MDH1B: variants seen among roughly 807,000 people sequenced by gnomAD.
The protein encoded by MDH1B is malate dehydrogenase 1B.
Under a neutral mutation model 61.4 loss-of-function variants are expected in MDH1B, and 60 were observed. The observed-to-expected ratio is 0.98, with a 90% CI of 0.79 to 1.21. The LOEUF (loss-of-function observed/expected upper bound fraction) is 1.21. Ranked by LOEUF, MDH1B falls within the 50% of genes most tolerant of loss-of-function variation. MDH1B has a pLI of 0.00. For synonymous variants in MDH1B, 236 were observed against 218.7 expected, an observed-to-expected ratio of 1.08 and a Z score of -0.70; for missense variants, 587 against 632.1, an observed-to-expected ratio of 0.93 and a Z score of 0.76.
intron 7 of MDH1B, among the ~76,000 whole-genome samples, chr2:206,748,677 AC>A (rs1688264611): frequency 6.6e-6 from 1 of 152,088 alleles, no homozygotes; most frequent in Admixed American, 6.6e-5. Flanking sequence ...TCCTGGTTCC[AC>A]CTGCTTCCTG....
At chr2:206,764,879 T>C (rs1689341367) in intron 1 of MDH1B, among the ~76,000 whole-genome samples, 1 of 152,068 alleles carries the variant, frequency 6.6e-6, no homozygotes, top group African/African-American at 2.4e-5. Context: ...ACAACTCAGC[T>C]CCTGTAATAC....
intron 2 of MDH1B, 63 bp from the exon 3 acceptor site, chr2:206,757,434 T>G (rs574882820): frequency 1.3e-6 from 2 of 1,534,092 alleles, no homozygotes; most frequent in Non-Finnish European, 1.8e-6. Flanking sequence ...AATTTCATAC[T>G]TTAGAATTCA....
intron 10 of MDH1B, 98 bp from the exon 11 acceptor site, chr2:206,739,759 G>C (rs1687704808): frequency 9.2e-7 from 1 of 1,089,014 alleles, no homozygotes; most frequent in Non-Finnish European, 1.4e-6. Context: ...CCACTCTGAG[G>C]TTTCTCTGAA....
intron 1 of MDH1B, among the ~76,000 whole-genome samples, chr2:206,761,412 T>C (rs1689084559): frequency 6.6e-6 from 1 of 152,034 alleles, no homozygotes; most frequent in African/African-American, 2.4e-5. Flanking sequence ...TAAAGTCACT[T>C]TTGGATTTGA....
rs1688392100 is a variant in MDH1B, at chr2:206,750,818, G to A, written c.1052+116C>T. On this transcript the variant is annotated intron_variant, in intron 6 of 11. Transcript: ENST00000374412. ...CAGTAGACAGCATGAACAAATATGA[G>A]TGTGAACAATGCAAGTTATTTTTGT... 4.7e-6 allele frequency: 4 copies of A among 849,512 alleles called. No individual in the cohort carries two copies. In the Admixed American group the frequency reaches 1.1e-4, roughly 23 times the overall value. 52.6% of individuals were successfully genotyped at this position (849,512 alleles called of 1,614,324 possible).
At chr2:206,763,586 A>G (rs1215083362) in intron 1 of MDH1B, among the ~76,000 whole-genome samples, 1 of 152,096 alleles carries the variant, frequency 6.6e-6, no homozygotes, top group East Asian at 1.9e-4. Context: ...CCTTTCATGT[A>G]CTCTGGATAA....
chr2:206,760,829 C>T lies in MDH1B; in HGVS notation c.135+72G>A, dbSNP rs1559350835. 1.9e-5 allele frequency: 16 copies of T among 826,030 alleles called. No homozygotes were observed. In the East Asian group the frequency reaches 3.0e-4, roughly 15 times the overall value. 51.2% of individuals were successfully genotyped at this position (826,030 alleles called of 1,614,324 possible). On this transcript the variant is annotated intron_variant, in intron 2 of 11. Coordinates refer to ENST00000374412, the MANE Select transcript of MDH1B (RefSeq NM_001039845.3). ...ATTCCTAGAAGCCAGTCTAATACACCAGTTAATATTTAATCAAATTAAAAC... is the reference window on the plus strand; with the variant it reads ...ATTCCTAGAAGCCAGTCTAATACACTAGTTAATATTTAATCAAATTAAAAC...
At chr2:206,747,160 A>AC (rs1433180229) in intron 7 of MDH1B, among the ~76,000 whole-genome samples, 1 of 151,356 alleles carries the variant, frequency 6.6e-6, no homozygotes, top group Non-Finnish European at 1.5e-5. Context: ...CCAGGGCAAA[A>AC]AAACAAACAA....
Position 206,755,119 on chromosome 2 carries a change from A to G in MDH1B, c.800T>C (p.Leu267Ser). The change falls in exon 5 of 12, where the codon TTA (leucine) becomes TCA (serine). Residue 267 changes from leucine (L) to serine (S), a missense_variant. By Grantham distance (145) the Leu-to-Ser change is moderately radical. Transcript: ENST00000374412. ...AATGCGTGGGGCATATCTCATGAGTAAAACTGTCTTCAGGTTTACAAAGGT... is the reference window on the plus strand; with the variant it reads ...AATGCGTGGGGCATATCTCATGAGTGAAACTGTCTTCAGGTTTACAAAGGT... ...GRTFVNLKTVLLMRYAPRIAH... is the reference protein window; with the variant it reads ...GRTFVNLKTVSLMRYAPRIAH... 6.2e-7 allele frequency: 1 copy of G among 1,614,246 alleles called. No homozygotes were observed. The highest frequency in any genetic ancestry group is 8.5e-7 in the Non-Finnish European group (1 of 1,180,034).
At position 206,739,737 on chromosome 2, in the gene MDH1B, A is replaced by G. The variant is rs748484064; in HGVS notation, c.1460-76T>C. 2.0e-5 allele frequency: 27 copies of G among 1,325,314 alleles called. 1 individual carries two copies. The highest frequency in any genetic ancestry group is 1.9e-5 in the Non-Finnish European group (18 of 937,180). 82.1% of individuals were successfully genotyped at this position (1,325,314 alleles called of 1,614,324 possible). On this transcript the variant is annotated intron_variant, in intron 10 of 11. Transcript: ENST00000374412. Reference sequence around the variant, plus strand: ...TTTGCAGTTATTTCCATTTTCTTCTATCTTGTTCCTTCCACTCTGAGGTTT... The same window carrying G: ...TTTGCAGTTATTTCCATTTTCTTCTGTCTTGTTCCTTCCACTCTGAGGTTT...
intron 1 of MDH1B, among the ~76,000 whole-genome samples, chr2:206,762,387 A>G (rs780728354): frequency 2.4e-4 from 36 of 152,188 alleles, no homozygotes; most frequent in Admixed American, 3.3e-4. Flanking sequence ...CTTCATTTCA[A>G]TGGAAGAGGA....
intron 6 of MDH1B, among the ~76,000 whole-genome samples, chr2:206,749,801 T>C (rs1394538429): frequency 6.6e-6 from 1 of 152,240 alleles, no homozygotes; most frequent in Non-Finnish European, 1.5e-5. Flanking sequence ...AGGTGCCGAA[T>C]GTAGAATTTT....
intron 7 of MDH1B, 109 bp downstream of exon 7, chr2:206,748,911 C>T: frequency 1.2e-6 from 1 of 833,858 alleles, no homozygotes; most frequent in South Asian, 2.0e-5. Flanking sequence ...AAAGTCCAGG[C>T]AGCTAATGGA....
At chr2:206,743,254 A>G (rs575735806) in intron 9 of MDH1B, among the ~76,000 whole-genome samples, 2 of 152,320 alleles carry the variant, frequency 1.3e-5, no homozygotes, top group South Asian at 2.1e-4. Context: ...GACCTTTGTC[A>G]TACATCCATT....
intron 4 of MDH1B, 101 bp from the exon 5 acceptor site, chr2:206,755,606 T>C (rs16838820): frequency 0.087 from 122,544 of 1,404,966 alleles, 6,481 homozygotes; most frequent in African/African-American, 0.24. Context: ...AATAGGGTGG[T>C]TTAATATTTA....
intron 9 of MDH1B, among the ~76,000 whole-genome samples, chr2:206,744,871 G>A (rs1688009482): frequency 6.6e-6 from 1 of 152,018 alleles, no homozygotes; most frequent in African/African-American, 2.4e-5. Context: ...CTTGTGGTGA[G>A]CCGAGATGGC....
chr2:206,762,699 C>T (rs973252228), intron 1 of MDH1B, among the ~76,000 whole-genome samples: 1 of 152,118 alleles, frequency 6.6e-6, no homozygotes, highest in Non-Finnish European at 1.5e-5. Context: ...TATTTCTCAC[C>T]CACTGCAATG....
At chr2:206,746,575 G>T in intron 7 of MDH1B, 149 bp from the exon 8 acceptor site, 1 of 858,362 alleles carries the variant, frequency 1.2e-6, no homozygotes, top group Non-Finnish European at 1.7e-6. Flanking sequence ...TCTCCAAAGA[G>T]GACTGAAACA....
At chr2:206,759,101 G>A (rs1033895150) in intron 2 of MDH1B, among the ~76,000 whole-genome samples, 3 of 151,836 alleles carry the variant, frequency 2.0e-5, no homozygotes, top group South Asian at 2.1e-4. Context: ...CCTAGTGCCC[G>A]TTAGTTATTT....
Sources: allele counts gnomAD v4.1 joint callset (sites outside exome capture counted in the v4.1 genomes callset), GRCh38; gene constraint gnomAD v4.1.1; transcripts MANE v1.5; gene names NCBI Gene and HGNC (gene_info 2026-07-23, HGNC 2026-07-21).